The following ENO4 variants were observed in gnomAD, a reference collection of about 807,000 sequenced individuals.
ENO4 encodes the protein enolase 4.
Under a neutral mutation model 63.2 loss-of-function variants are expected in ENO4, and 53 were observed. The observed-to-expected ratio is 0.84, with a 90% CI of 0.67 to 1.05. ENO4 has a LOEUF of 1.05. ENO4 is among the 50% of genes least tolerant of loss of function. ENO4 has a pLI of 0.00. For missense variants in ENO4, 719 were observed against 772.0 expected, an observed-to-expected ratio of 0.93 and a Z score of 0.81; for synonymous variants, 266 against 283.8, an observed-to-expected ratio of 0.94 and a Z score of 0.63.
Position 116,858,234 on chromosome 10 carries a change from T to A in ENO4, c.486-756T>A, listed in dbSNP as rs1846321686. ...TTCTTTCATGATTTGCTGGATTGTA[T>A]CCTTTAAAAGTAAGGATGAGAAAGG... On this transcript the variant is annotated intron_variant, in intron 3 of 13. Transcript: ENST00000341276. Among the ~76,000 whole-genome samples, 5 of 152,316 alleles carry A rather than the reference T, an allele frequency of 3.3e-5. No individual in the cohort carries two copies. The South Asian group carries it at 1.0e-3, about 32-fold the overall frequency.
rs573932166 is a variant in ENO4 at position 116,863,056 on chromosome 10, C to A, written c.990+204C>A. 4.6e-5 allele frequency among the ~76,000 whole-genome samples: 7 copies of A among 152,284 alleles called. 2 individuals are homozygous for A. Among genetic ancestry groups the A allele is most frequent in the African/African-American group, 1.7e-4 (7 of 41,556 alleles). ...CTAATGGTACTTAACAATCTCATTT[C>A]AATTTCTGGGGCAACTGGCTTTGTG... On this transcript the variant is annotated intron_variant, in intron 7 of 13. Transcript: ENST00000341276.
At chr10:116,892,204 A>C (rs1400304017) in intron 10 of ENO4, among the ~76,000 whole-genome samples, 2 of 152,184 alleles carry the variant, frequency 1.3e-5, no homozygotes, top group African/African-American at 2.4e-5. Flanking sequence ...GGAGCCTTGT[A>C]GCTTGTACCT....
At chr10:116,867,621 T>G (rs1589757422) in intron 7 of ENO4, among the ~76,000 whole-genome samples, 1 of 152,146 alleles carries the variant, frequency 6.6e-6, no homozygotes, top group East Asian at 1.9e-4. Flanking sequence ...GGGCTGGAGA[T>G]TTTGACTTCC....
At chr10:116,871,044 C>A in intron 8 of ENO4, 81 bp from the exon 9 acceptor site, 1 of 1,262,332 alleles carries the variant, frequency 7.9e-7, no homozygotes, top group Non-Finnish European at 1.1e-6. Context: ...TATATCTGAT[C>A]ATAAACCATG....
At chr10:116,856,211 A>G (rs1846252835) in intron 2 of ENO4, among the ~76,000 whole-genome samples, 1 of 152,234 alleles carries the variant, frequency 6.6e-6, no homozygotes, top group South Asian at 2.1e-4. Flanking sequence ...TGGTAGGAGA[A>G]TAATGATGAT....
downstream of ENO4, among the ~76,000 whole-genome samples, chr10:116,887,411 T>C (rs184650121): frequency 4.1e-4 from 63 of 152,186 alleles, 2 homozygotes; most frequent in Admixed American, 3.6e-3. Flanking sequence ...GGCTGGGGCT[T>C]TCGGACTTTT....
At chr10:116,886,511 C>T (rs779225990), downstream of ENO4, 8 of 1,613,954 alleles carry the variant, frequency 5.0e-6, no homozygotes, top group South Asian at 1.1e-5. Context: ...ACAACTGGTT[C>T]GGCTTGTTTT....
chr10:116,855,216 C>T (rs2133246327), intron 1 of ENO4, among the ~76,000 whole-genome samples: 2 of 152,242 alleles, frequency 1.3e-5, no homozygotes, highest in South Asian at 4.1e-4. Context: ...CTGCTTGAAC[C>T]TGGGAGGCGG....
chr10:116,911,472 C>T (rs752818207), intron 10 of ENO4: 8 of 1,549,690 alleles, frequency 5.2e-6, no homozygotes, highest in African/African-American at 1.4e-5. Flanking sequence ...TTTTCATCAA[C>T]ATGTACGGAC....
intron 10 of ENO4, among the ~76,000 whole-genome samples, chr10:116,908,471 T>G (rs988079430): frequency 9.2e-5 from 14 of 152,178 alleles, no homozygotes; most frequent in Non-Finnish European, 4.4e-5. Context: ...ACTTTACATT[T>G]GAAAAAAGTA....
intron 7 of ENO4, 82 bp from the exon 8 acceptor site, chr10:116,868,568 G>T: frequency 8.6e-7 from 1 of 1,156,388 alleles, no homozygotes; most frequent in Non-Finnish European, 1.3e-6. Context: ...TTGCTGGTCA[G>T]GTCTCAGAGC....
intron 10 of ENO4, among the ~76,000 whole-genome samples, 164 bp from the exon 11 acceptor site, chr10:116,875,901 T>G (rs1846818702): frequency 6.6e-6 from 1 of 152,216 alleles, no homozygotes; most frequent in Non-Finnish European, 1.5e-5. Context: ...AGCTTCTTAG[T>G]TTGTGTGGCT....
intron 12 of ENO4, 52 bp downstream of exon 12, chr10:116,879,410 G>A (rs147543575): frequency 1.0e-5 from 14 of 1,363,282 alleles, no homozygotes; most frequent in Non-Finnish European, 2.0e-6. Flanking sequence ...TCACGAATTG[G>A]TATTTCAGAG....
chr10:116,907,224 G>A (rs1312934103), intron 10 of ENO4, among the ~76,000 whole-genome samples: 1 of 152,150 alleles, frequency 6.6e-6, no homozygotes, highest in Non-Finnish European at 1.5e-5. Flanking sequence ...CCTGATGTCC[G>A]TGGCGTCGTA....
At chr10:116,892,572 C>T (rs552927279) in intron 10 of ENO4, among the ~76,000 whole-genome samples, 1 of 152,286 alleles carries the variant, frequency 6.6e-6, no homozygotes, top group South Asian at 2.1e-4. Flanking sequence ...CTGCCATGCA[C>T]AAAATACTTG....
chr10:116,898,290 T>C (rs1478930507), intron 10 of ENO4, among the ~76,000 whole-genome samples: 1 of 151,872 alleles, frequency 6.6e-6, no homozygotes, highest in Non-Finnish European at 1.5e-5. Flanking sequence ...ATCGTGCCAT[T>C]GTACTCCAGC....
At chr10:116,850,416 G>C (rs568829147) in intron 1 of ENO4, among the ~76,000 whole-genome samples, 1 of 152,050 alleles carries the variant, frequency 6.6e-6, no homozygotes, top group South Asian at 2.1e-4. Flanking sequence ...TCACCTTCCG[G>C]GTCTCTGCCC....
At chr10:116,853,361 T>C (rs541245719) in intron 1 of ENO4, among the ~76,000 whole-genome samples, 59 of 151,566 alleles carry the variant, frequency 3.9e-4, no homozygotes, top group African/African-American at 1.3e-3. Flanking sequence ...TCTTGGACAG[T>C]TAATTTTTGT....
intron 1 of ENO4, among the ~76,000 whole-genome samples, chr10:116,852,365 C>G (rs981606295): frequency 6.6e-6 from 1 of 152,184 alleles, no homozygotes; most frequent in African/African-American, 2.4e-5. Context: ...TCCTTGTAGG[C>G]AATAACAATA....
Sources: gnomAD v4.1 joint callset for allele counts (sites outside exome capture counted in the v4.1 genomes callset) on GRCh38, gnomAD v4.1.1 for gene constraint, MANE v1.5 for transcripts, NCBI Gene and HGNC (gene_info 2026-07-23, HGNC 2026-07-21) for gene names.